KAT6A: variants seen among roughly 807,000 people sequenced by gnomAD.
The protein encoded by KAT6A is histone acetyltransferase KAT6A.
In KAT6A, 9 loss-of-function variants were observed where a neutral mutation model predicts 198.4. The observed-to-expected ratio is 0.05, with a 90% CI of 0.03 to 0.08. The LOEUF (loss-of-function observed/expected upper bound fraction) is 0.08. Among genes scored for constraint, KAT6A ranks in the 10% least tolerant of loss-of-function variants. The pLI, the probability that KAT6A is intolerant of heterozygous loss-of-function variation, is 1.00. For missense variants in KAT6A, 2,077 were observed against 2,509.9 expected, an observed-to-expected ratio of 0.83 and a Z score of 3.69; for synonymous variants, 890 against 883.0, an observed-to-expected ratio of 1.01 and a Z score of -0.14.
chr8:41,992,347 A>C (rs1279571104), intron 2 of KAT6A, among the ~76,000 whole-genome samples: 1 of 152,240 alleles, frequency 6.6e-6, no homozygotes, highest in Non-Finnish European at 1.5e-5. Context: ...AGAGCAGACA[A>C]AAGGTAGCTA....
At chr8:41,998,763 C>T (rs1055520479) in intron 2 of KAT6A, among the ~76,000 whole-genome samples, 1 of 151,900 alleles carries the variant, frequency 6.6e-6, no homozygotes, top group African/African-American at 2.4e-5. Context: ...ATCCCATATA[C>T]TATCAAGTAC....
intron 2 of KAT6A, among the ~76,000 whole-genome samples, chr8:41,990,346 G>C (rs1047608099): frequency 6.6e-6 from 1 of 152,216 alleles, no homozygotes; most frequent in African/African-American, 2.4e-5. Context: ...GTCAGGACTT[G>C]ATGGCTAATT....
chr8:41,957,286 C>T (rs1822971026), intron 8 of KAT6A: 1 of 563,862 alleles, frequency 1.8e-6, no homozygotes, highest in Non-Finnish European at 3.6e-6. Flanking sequence ...AGCCCGCCTC[C>T]ACTCCCAGCT....
intron 9 of KAT6A, 55 bp downstream of exon 9, chr8:41,955,241 G>T: frequency 9.2e-7 from 1 of 1,088,770 alleles, no homozygotes; most frequent in Non-Finnish European, 1.4e-6. Flanking sequence ...ATCCCTTCCA[G>T]TTCCAGACTT....
intron 9 of KAT6A, among the ~76,000 whole-genome samples, chr8:41,953,310 T>G (rs1043703021): frequency 2.0e-5 from 3 of 152,210 alleles, no homozygotes; most frequent in Admixed American, 6.5e-5. Context: ...GTGGTTTCCA[T>G]CTATCTGTAC....
intron 8 of KAT6A, among the ~76,000 whole-genome samples, chr8:41,959,448 G>C (rs573885459): frequency 4.2e-4 from 64 of 152,238 alleles, no homozygotes; most frequent in African/African-American, 1.4e-3. Flanking sequence ...ACAGTATGAT[G>C]GTTCCTCAAA....
At chr8:42,044,650 G>C (rs1450232090) in intron 2 of KAT6A, among the ~76,000 whole-genome samples, 2 of 152,050 alleles carry the variant, frequency 1.3e-5, no homozygotes, top group Non-Finnish European at 2.9e-5. Context: ...GAACTTGCTC[G>C]GGTTACTCCA....
chr8:41,986,460 C>T (rs1231257289), intron 3 of KAT6A, among the ~76,000 whole-genome samples: 1 of 151,950 alleles, frequency 6.6e-6, no homozygotes, highest in Non-Finnish European at 1.5e-5. Flanking sequence ...TCAAGAAAGA[C>T]GAAGTAGCGA....
At chr8:42,021,757 C>T (rs1207342927) in intron 2 of KAT6A, among the ~76,000 whole-genome samples, 3 of 152,060 alleles carry the variant, frequency 2.0e-5, no homozygotes, top group Admixed American at 2.0e-4. Flanking sequence ...GTGGAGAAAC[C>T]CCATCTCTAC....
chr8:41,940,952 C>A lies in KAT6A; in HGVS notation c.2929G>T (p.Asp977Tyr). The part of the protein sequence containing the change: ...ERLPRRYSEG[D>Y]RAVLRGFSES... ...CTGAAGCCCCTGAGGACAGCCCTGT[C>A]ACCCTCACTGTAGCGACGGGGCAGC... is the stretch of plus-strand genomic sequence containing the variant. The change falls in exon 15 of 17, where the codon GAC becomes TAC. Residue 977 changes from aspartate (D) to tyrosine (Y), a missense_variant. By Grantham distance (160) the Asp-to-Tyr change is radical. Coordinates refer to ENST00000265713, the MANE Select transcript of KAT6A (RefSeq NM_006766.5). 1 of 1,614,228 alleles carries A rather than the reference C, an allele frequency of 6.2e-7. No individual in the cohort carries two copies. Among genetic ancestry groups the A allele is most frequent in the South Asian group, 1.1e-5 (1 of 91,084 alleles).
At chr8:42,026,110 C>A (rs1036214488) in intron 2 of KAT6A, among the ~76,000 whole-genome samples, 1 of 152,218 alleles carries the variant, frequency 6.6e-6, no homozygotes. Flanking sequence ...TTTCTGAGTT[C>A]TCTATTCTGT....
At position 42,029,233 on chromosome 8, in the gene KAT6A, T is replaced by A. The variant is rs989538440; in HGVS notation, c.600+19145A>T. ...TTAGAATTCTCTGTCTTTGTGACAG[T>A]TTGACTATAATGTGCCATGGAGAAC... On this transcript the variant is annotated intron_variant, in intron 2 of 16. Coordinates refer to ENST00000265713, the MANE Select transcript of KAT6A (RefSeq NM_006766.5). Among the ~76,000 whole-genome samples the A allele has an allele frequency of 2.0e-5, 3 of 152,224 alleles. 1 individual carries two copies. The highest frequency in any genetic ancestry group is 1.9e-4 in the East Asian group (1 of 5,196).
chr8:41,956,413 T>C (rs1438090281), intron 8 of KAT6A, among the ~76,000 whole-genome samples: 1 of 152,178 alleles, frequency 6.6e-6, no homozygotes, highest in Non-Finnish European at 1.5e-5. Context: ...ACTGAAATTA[T>C]CCTTCAATTT....
Position 41,934,045 on chromosome 8 carries a change from G to A in KAT6A, c.4175C>T (p.Ser1392Phe). 1 of 1,613,994 alleles carries A rather than the reference G, an allele frequency of 6.2e-7. No homozygotes were observed. Among genetic ancestry groups the A allele is most frequent in the Non-Finnish European group, 8.5e-7 (1 of 1,180,014 alleles). Residue 1392 changes from serine to phenylalanine, a missense_variant, in exon 17 of 17, where the codon TCT (serine) becomes TTT (phenylalanine). Physicochemically the swap from Ser to Phe is radical, Grantham distance 155. This residue lies in a region of KAT6A where 178 missense variants were observed against 220.8 expected (regional missense o/e 0.81). Transcript: ENST00000265713. ...GGAGTCTTCTTCGTGGTCGTCCTCA[G>A]ACCCAGCCATCTGCTCTGACACCAC... is the stretch of plus-strand genomic sequence containing the variant. ...TSVVSEQMAGSEDDHEEDSHT... is the reference protein window; with the variant it reads ...TSVVSEQMAGFEDDHEEDSHT...
intron 8 of KAT6A, among the ~76,000 whole-genome samples, chr8:41,963,377 C>A (rs1193233079): frequency 2.6e-5 from 4 of 152,240 alleles, no homozygotes; most frequent in Non-Finnish European, 5.9e-5. Context: ...TCTCTTCTTC[C>A]ATCTAAATAA....
At chr8:41,942,248 T>A in intron 14 of KAT6A, 1 of 220,384 alleles carries the variant, frequency 4.5e-6, no homozygotes. Context: ...TCAGAAAACA[T>A]ACACAAGTTT....
intron 2 of KAT6A, among the ~76,000 whole-genome samples, chr8:41,988,915 T>A (rs369502977): frequency 6.6e-6 from 1 of 152,164 alleles, no homozygotes; most frequent in African/African-American, 2.4e-5. Context: ...ATTCATTCAT[T>A]GGTTCATTGA....
At chr8:41,973,381 G>A (rs549263011) in intron 8 of KAT6A, among the ~76,000 whole-genome samples, 6 of 151,860 alleles carry the variant, frequency 4.0e-5, no homozygotes, top group African/African-American at 1.4e-4. Flanking sequence ...GTGTGCCACC[G>A]GCTAATTTTT....
At position 41,933,379 on chromosome 8, in the gene KAT6A, C is replaced by T. The variant is rs1198819132; in HGVS notation, c.4841G>A (p.Ser1614Asn). 9 of 1,601,892 alleles carry T rather than the reference C, an allele frequency of 5.6e-6. No individual in the cohort carries two copies. The highest frequency in any genetic ancestry group is 7.7e-6 in the Non-Finnish European group (9 of 1,176,268). Residue 1614 changes from serine to asparagine, a missense_variant, in exon 17 of 17, where the codon AGC (serine) becomes AAC (asparagine). Ser to Asn is a conservative substitution (Grantham distance 46). Around this residue, in one of 13 missense-constraint regions of KAT6A, gnomAD observed 500 missense variants for 577.2 expected, o/e 0.87. Transcript: ENST00000265713. The surrounding 1 kb of genome is among the most constrained non-coding windows in gnomAD (Gnocchi z 6.2). ...GCTCTGCTGCATCATGCTGCAGCTG[C>T]TGCCCATGCTGGCCATCTGCTGAGT... ...VVTQQMASMG[S>N]SCSMMQQSSV...
Sources: allele counts gnomAD v4.1 joint callset (sites outside exome capture counted in the v4.1 genomes callset), GRCh38; gene constraint gnomAD v4.1.1; regional missense constraint gnomAD v4.1.1; non-coding constraint Gnocchi (gnomAD v3.1); transcripts MANE v1.5; gene names NCBI Gene and HGNC (gene_info 2026-07-23, HGNC 2026-07-21).